ENG: variants seen among roughly 807,000 people sequenced by gnomAD.
ENG encodes the protein CD105 antigen.
ENG carries 17 observed loss-of-function variants against 71.0 expected under a neutral mutation model. The ratio of observed to expected loss-of-function variants is 0.24; its 90% CI spans 0.16 to 0.36. The LOEUF (loss-of-function observed/expected upper bound fraction) is 0.36. Among genes scored for constraint, ENG ranks in the 10% least tolerant of loss-of-function variants. The pLI is 1.00. For synonymous variants in ENG, 360 were observed against 366.9 expected (o/e 0.98, Z 0.21); for missense variants, 749 against 868.3 (o/e 0.86, Z 1.73).
intron 2 of ENG, among the ~76,000 whole-genome samples, chr9:127,839,624 C>T (rs373574819): frequency 2.0e-5 from 3 of 152,124 alleles, no homozygotes; most frequent in African/African-American, 4.8e-5. Flanking sequence ...GGTGCGAACT[C>T]GGCTCACTGC....
chr9:127,843,190 C>T lies in ENG; in HGVS notation c.123G>A (p.Glu41=). Residue 41 remains glutamate (E), a synonymous_variant, in exon 2 of 15, where the codon GAG becomes GAA. Transcript: ENST00000373203. ...DLQPVGPERG[E]VTYTTSQVSK... ...AGACCTGGCTAGTGGTATATGTCAC[C>T]TCGCCCCTCTCGGGGCCCACAGGCT... The T allele has an allele frequency of 6.2e-7, 1 of 1,614,238 alleles. No individual in the cohort carries two copies. The highest frequency in any genetic ancestry group is 1.7e-5 in the Admixed American group (1 of 60,026).
In ENG at chr9:127,817,191, T is replaced by C. The variant is rs1554809101; in HGVS notation, c.1699A>G (p.Thr567Ala). Residue 567 changes from threonine (T) to alanine (A), a missense_variant, in exon 13 of 15, where the codon ACT becomes GCT. Coordinates refer to ENST00000373203, the MANE Select transcript of ENG (RefSeq NM_001114753.3). ...ATGATGTTCAAGCGCATGAAGACAGTCCTATGGACTTCCTGGAGGAGAAAG... is the reference window on the plus strand; with the variant it reads ...ATGATGTTCAAGCGCATGAAGACAGCCCTATGGACTTCCTGGAGGAGAAAG... ...TGSQDQEVHR[T>A]VFMRLNIISP... 2 of 1,614,066 alleles carry C rather than the reference T, an allele frequency of 1.2e-6. No individual in the cohort carries two copies. The highest frequency in any genetic ancestry group is 1.1e-5 in the South Asian group (1 of 91,076).
chr9:127,853,005 C>T (rs971315876), intron 1 of ENG, among the ~76,000 whole-genome samples: 6 of 152,108 alleles, frequency 3.9e-5, no homozygotes, highest in African/African-American at 1.4e-4. Context: ...GTGAACTTGG[C>T]AGGTTAGAGC....
intron 4 of ENG, 134 bp downstream of exon 4, chr9:127,826,376 T>C (rs1365976397): frequency 8.6e-7 from 1 of 1,158,080 alleles, no homozygotes; most frequent in Non-Finnish European, 1.2e-6. Flanking sequence ...CAGCACTGGC[T>C]TGTGGCATGT....
At chr9:127,821,713 TA>T (rs34600598) in intron 8 of ENG, among the ~76,000 whole-genome samples, 39 of 145,740 alleles carry the variant, frequency 2.7e-4, no homozygotes, top group African/African-American at 2.5e-4. Context: ...CCGTCTCTGC[TA>T]AAAAAAAAAA....
At chr9:127,844,156 G>C (rs1036541672) in intron 1 of ENG, among the ~76,000 whole-genome samples, 1 of 150,204 alleles carries the variant, frequency 6.7e-6, no homozygotes, top group African/African-American at 2.5e-5. Flanking sequence ...ACGGAGTTTT[G>C]CTCTTGTTGC....
intron 2 of ENG, among the ~76,000 whole-genome samples, chr9:127,841,759 T>C (rs924754306): frequency 1.3e-5 from 2 of 152,058 alleles, no homozygotes; most frequent in Non-Finnish European, 2.9e-5. Context: ...CCAGGTGTAA[T>C]CTCCAGTCCA....
intron 1 of ENG, 149 bp from the exon 2 acceptor site, chr9:127,843,394 C>T (rs927691505): frequency 5.3e-5 from 58 of 1,091,834 alleles, no homozygotes; most frequent in Non-Finnish European, 7.0e-5. Flanking sequence ...TCATTATATT[C>T]GTTCCATGGA....
Position 127,824,983 on chromosome 9 carries a change from G to A in ENG, c.817-9C>T. On this transcript the variant is annotated splice_polypyrimidine_tract_variant and intron_variant, in intron 6 of 14. Transcript: ENST00000373203. ...GAGTATTCTCCAGTGGTCTAATGGT[G>A]GGGAGAGAGGCAGAACAGGGGGCCA... 6.2e-7 allele frequency: 1 copy of A among 1,611,734 alleles called. No homozygotes were observed. Among genetic ancestry groups the A allele is most frequent in the Non-Finnish European group, 8.5e-7 (1 of 1,179,654 alleles).
chr9:127,816,118 C>G, intron 13 of ENG, 65 bp from the exon 14 acceptor site: 1 of 1,563,650 alleles, frequency 6.4e-7, no homozygotes, highest in Middle Eastern at 2.3e-4. Context: ...CCCTGTTGTG[C>G]TGGCCCATGT....
At chr9:127,839,595 G>A (rs143169717) in intron 2 of ENG, among the ~76,000 whole-genome samples, 306 of 152,118 alleles carry the variant, frequency 2.0e-3, no homozygotes, top group African/African-American at 7.0e-3. Context: ...TTGCTCTGTC[G>A]CTCAGGCTGG....
chr9:127,816,143 G>A (rs1284103208), intron 13 of ENG, 90 bp from the exon 14 acceptor site: 18 of 1,490,548 alleles, frequency 1.2e-5, no homozygotes, highest in East Asian at 4.9e-5. Flanking sequence ...TTTGGTGCCA[G>A]CTCTGCTCAG....
chr9:127,818,024 T>C, intron 12 of ENG, 96 bp downstream of exon 12: 1 of 1,589,994 alleles, frequency 6.3e-7, no homozygotes, highest in South Asian at 1.1e-5. Context: ...CCTCACCAGC[T>C]GGCCCCACAT....
intron 1 of ENG, among the ~76,000 whole-genome samples, chr9:127,853,054 A>G (rs1326686353): frequency 1.3e-5 from 2 of 152,166 alleles, no homozygotes; most frequent in Non-Finnish European, 2.9e-5. Context: ...TGATGATGGC[A>G]GCCATCTTGC....
intron 1 of ENG, among the ~76,000 whole-genome samples, chr9:127,852,954 G>T (rs888399738): frequency 1.3e-5 from 2 of 152,110 alleles, no homozygotes. Context: ...ATACGAGAGA[G>T]GGAGATCTTG....
Position 127,819,957 on chromosome 9 carries a change from C to G in ENG, c.1215G>C (p.Leu405Phe). Residue 405 changes from leucine to phenylalanine, a missense_variant, in exon 9 of 15, where the codon TTG becomes TTC. Transcript: ENST00000373203. ...TGCCACAGCTGGAGTAAGCACTGCG[C>G]AAGACAAACTTGTCACCCCTGTCCT... is the stretch of plus-strand genomic sequence containing the variant. ...EAEDRGDKFV[L>F]RSAYSSCGMQ... 1 of 1,614,228 alleles carries G rather than the reference C, an allele frequency of 6.2e-7. No homozygotes were observed. The highest frequency in any genetic ancestry group is 1.1e-5 in the South Asian group (1 of 91,088).
In ENG at chr9:127,854,324, G is replaced by T; in HGVS notation, c.32C>A (p.Ala11Asp). Residue 11 changes from alanine to aspartate, a missense_variant, in exon 1 of 15, where the codon GCC becomes GAC. Coordinates refer to ENST00000373203, the MANE Select transcript of ENG (RefSeq NM_001114753.3). ...GAGGCTGCAGCTGGCCAGCAGCAGG[G>T]CAACAGCCAGAGGGAGCGTGCCGCG... Reference protein sequence around the residue: MDRGTLPLAVALLLASCSLSP... With the variant: MDRGTLPLAVDLLLASCSLSP... The T allele has an allele frequency of 6.3e-7, 1 of 1,595,954 alleles. No homozygotes were observed. The highest frequency in any genetic ancestry group is 8.5e-7 in the Non-Finnish European group (1 of 1,171,920).
At chr9:127,828,879 C>G (rs1830693172) in intron 3 of ENG, among the ~76,000 whole-genome samples, 1 of 152,116 alleles carries the variant, frequency 6.6e-6, no homozygotes, top group African/African-American at 2.4e-5. Context: ...TTGCTCTCCC[C>G]CGGGCTCTCC....
At position 127,843,164 on chromosome 9, in the gene ENG, G is replaced by C. The variant is rs927607049; in HGVS notation, c.149C>G (p.Ser50Trp). The C allele has an allele frequency of 6.2e-7, 1 of 1,614,242 alleles. No individual in the cohort carries two copies. Among genetic ancestry groups the C allele is most frequent in the Non-Finnish European group, 8.5e-7 (1 of 1,180,046 alleles). The change falls in exon 2 of 15, where the codon TCG becomes TGG. Residue 50 changes from serine to tryptophan, a missense_variant. Transcript: ENST00000373203. ...GEVTYTTSQV[S>W]KGCVAQAPNA... ...GGGGGCCTGAGCCACGCAGCCCTTC[G>C]AGACCTGGCTAGTGGTATATGTCAC...
Sources: gnomAD v4.1 joint callset for allele counts (sites outside exome capture counted in the v4.1 genomes callset) on GRCh38, gnomAD v4.1.1 for gene constraint, MANE v1.5 for transcripts, NCBI Gene and HGNC (gene_info 2026-07-23, HGNC 2026-07-21) for gene names.